Variants in TMEM117 observed in about 807,000 individuals in gnomAD.
TMEM117 encodes transmembrane protein 117.
A neutral mutation model predicts 52.4 loss-of-function variants in TMEM117; 27 were observed. The observed-to-expected ratio is 0.51, with a 90% CI of 0.38 to 0.71. TMEM117 has a LOEUF of 0.71. Ranked by LOEUF, TMEM117 falls within the 30% of genes least tolerant of loss-of-function variation. TMEM117 has a pLI of 0.00. For missense variants in TMEM117, 556 were observed against 630.5 expected, an observed-to-expected ratio of 0.88 and a Z score of 1.26; for synonymous variants, 215 against 206.3, an observed-to-expected ratio of 1.04 and a Z score of -0.36.
At chr12:43,806,282 G>A in the TMEM117 span, 20 of 1,484,624 alleles carry the variant, frequency 1.3e-5, no homozygotes, top group Admixed American at 1.1e-4. Flanking sequence ...GGCGCTGAGT[G>A]CAGCCAGCGG....
intron 2 of TMEM117, among the ~76,000 whole-genome samples, chr12:43,932,069 C>G (rs1470555431): frequency 6.6e-6 from 1 of 152,046 alleles, no homozygotes; most frequent in East Asian, 1.9e-4. Flanking sequence ...TGTTGTGTTT[C>G]CCGTATTTAC....
chr12:43,847,077 G>A (rs1212350439), intron 2 of TMEM117, among the ~76,000 whole-genome samples: 1 of 152,194 alleles, frequency 6.6e-6, no homozygotes. Context: ...AGGGCCAAGG[G>A]AAAATTTTGT....
At chr12:44,225,331 C>G (rs958691511) in intron 5 of TMEM117, among the ~76,000 whole-genome samples, 1 of 152,078 alleles carries the variant, frequency 6.6e-6, no homozygotes. Flanking sequence ...AAGAAACTGC[C>G]ATGAAACTAC....
intron 4 of TMEM117, among the ~76,000 whole-genome samples, chr12:44,181,966 T>C (rs1949206875): frequency 6.6e-6 from 1 of 152,172 alleles, no homozygotes; most frequent in Admixed American, 6.5e-5. Context: ...TTTCATGATA[T>C]TGATTCTTCC....
At chr12:44,349,568 C>T (rs1042290097) in intron 6 of TMEM117, among the ~76,000 whole-genome samples, 2 of 151,982 alleles carry the variant, frequency 1.3e-5, no homozygotes, top group African/African-American at 4.8e-5. Flanking sequence ...CTTCAGAGTG[C>T]TGATTGCTGG....
intron 3 of TMEM117, among the ~76,000 whole-genome samples, chr12:43,949,060 T>G (rs968107275): frequency 6.6e-6 from 1 of 152,006 alleles, no homozygotes; most frequent in African/African-American, 2.4e-5. Context: ...GGAGGTGAAA[T>G]GGAAAACATG....
At chr12:44,227,260 C>A (rs1370338864) in intron 5 of TMEM117, among the ~76,000 whole-genome samples, 1 of 152,094 alleles carries the variant, frequency 6.6e-6, no homozygotes. Context: ...ATTGCTTGTG[C>A]TCAGGAGTTT....
intron 3 of TMEM117, among the ~76,000 whole-genome samples, chr12:44,139,803 A>G (rs1355367876): frequency 6.6e-6 from 1 of 152,148 alleles, no homozygotes; most frequent in Non-Finnish European, 1.5e-5. Flanking sequence ...GGTATATGAA[A>G]CCTCACAATT....
intron 1 of TMEM117, among the ~76,000 whole-genome samples, chr12:43,838,250 C>G (rs891490072): frequency 1.3e-5 from 2 of 151,982 alleles, no homozygotes; most frequent in Non-Finnish European, 2.9e-5. Flanking sequence ...CAGGACTGGT[C>G]TGTGTGTATG....
the TMEM117 span, among the ~76,000 whole-genome samples, chr12:43,802,777 A>G: frequency 6.6e-6 from 1 of 152,180 alleles, no homozygotes; most frequent in African/African-American, 2.4e-5. Flanking sequence ...TTACATTTCT[A>G]TTTTCCAAAA....
intron 3 of TMEM117, among the ~76,000 whole-genome samples, chr12:44,059,958 T>A (rs1294598428): frequency 6.6e-6 from 1 of 152,238 alleles, no homozygotes; most frequent in South Asian, 2.1e-4. Flanking sequence ...AATAGCTGTA[T>A]GATTCTGCTA....
intron 3 of TMEM117, among the ~76,000 whole-genome samples, chr12:43,980,294 T>G (rs546067304): frequency 2.6e-5 from 4 of 152,296 alleles, no homozygotes; most frequent in Admixed American, 1.3e-4. Flanking sequence ...CAGCCCTAAC[T>G]AAAGCCCATA....
chr12:43,874,638 CTCATATAG>C (rs769848908), intron 2 of TMEM117, among the ~76,000 whole-genome samples: 8 of 152,086 alleles, frequency 5.3e-5, no homozygotes, highest in Non-Finnish European at 1.2e-4. Context: ...GGGAGATAGC[CTCATATAG>C]TCTATTTTCC....
In TMEM117 at chr12:44,357,180, G is replaced by T. The variant is rs150056704; in HGVS notation, c.769-19415G>T. On this transcript the variant is annotated intron_variant, in intron 6 of 7. Transcript: ENST00000266534. Reference sequence around the variant, plus strand: ...CAGAGAACAAAATCACCTTCTCTTGGATTTTGAGCTTTCCTGAATGCTCTC... The same window carrying T: ...CAGAGAACAAAATCACCTTCTCTTGTATTTTGAGCTTTCCTGAATGCTCTC... Among the ~76,000 whole-genome samples, 198 of 152,202 alleles carry T rather than the reference G, an allele frequency of 1.3e-3. 1 individual carries two copies. The highest frequency in any genetic ancestry group is 4.0e-3 in the African/African-American group (167 of 41,554).
chr12:43,805,308 C>CA, the TMEM117 span, among the ~76,000 whole-genome samples: 4 of 151,638 alleles, frequency 2.6e-5, no homozygotes, highest in Non-Finnish European at 4.4e-5. Flanking sequence ...ATAAATAAAA[C>CA]AAAGTTTTCA....
At chr12:44,345,289 G>C (rs1389773199) in intron 6 of TMEM117, among the ~76,000 whole-genome samples, 1 of 151,924 alleles carries the variant, frequency 6.6e-6, no homozygotes, top group Admixed American at 6.6e-5. Flanking sequence ...CTGAATTTCT[G>C]GTTATTTCAC....
the TMEM117 span, among the ~76,000 whole-genome samples, chr12:43,823,635 T>A: frequency 3.9e-5 from 6 of 152,248 alleles, no homozygotes; most frequent in Admixed American, 1.3e-4. Context: ...TGCCTCAGGC[T>A]CCCAAGTAGC....
At chr12:43,843,198 A>G (rs1218120781) in intron 1 of TMEM117, among the ~76,000 whole-genome samples, 3 of 151,334 alleles carry the variant, frequency 2.0e-5, no homozygotes, top group Non-Finnish European at 2.9e-5. Flanking sequence ...CCCTTTCTGA[A>G]TTCTAACTAA....
At chr12:44,319,369 C>T (rs1485229367) in intron 6 of TMEM117, among the ~76,000 whole-genome samples, 1 of 152,188 alleles carries the variant, frequency 6.6e-6, no homozygotes, top group Non-Finnish European at 1.5e-5. Flanking sequence ...CTTTCTTGTC[C>T]TGGGTTGCAT....
Sources: allele counts gnomAD v4.1 joint callset (sites outside exome capture counted in the v4.1 genomes callset), GRCh38; gene constraint gnomAD v4.1.1; transcripts MANE v1.5; gene names NCBI Gene and HGNC (gene_info 2026-07-23, HGNC 2026-07-21).